The following ADK variants were observed in gnomAD, a reference collection of about 807,000 sequenced individuals.
The protein encoded by ADK is adenosine kinase.
ADK carries 24 observed loss-of-function variants against 44.7 expected under a neutral mutation model. That is an observed-to-expected ratio of 0.54 (90% CI 0.39 to 0.76). The LOEUF is 0.76. ADK is among the 30% of genes least tolerant of loss of function. ADK has a pLI of 0.00. For synonymous variants in ADK, 128 were observed against 142.6 expected, an observed-to-expected ratio of 0.90 and a Z score of 0.73; for missense variants, 321 against 425.1, an observed-to-expected ratio of 0.76 and a Z score of 2.15.
At position 74,432,087 on chromosome 10, in the gene ADK, G is replaced by A. The variant is rs1004227938; in HGVS notation, c.555+33508G>A. The stretch of plus-strand genomic sequence containing the variant: ...CTTGTGCCTGAGGTCCCAGCTACTC[G>A]AGACGCTGAGGTGGGAGGATCCCTT... On this transcript the variant is annotated intron_variant, in intron 6 of 10. Transcript: ENST00000539909. 3.8e-4 allele frequency among the ~76,000 whole-genome samples: 57 copies of A among 151,806 alleles called. 1 individual carries two copies. Among genetic ancestry groups the A allele is most frequent in the Admixed American group, 1.3e-4 (2 of 15,252 alleles).
intron 3 of ADK, among the ~76,000 whole-genome samples, chr10:74,254,737 T>A (rs1845763770): frequency 1.3e-5 from 2 of 152,196 alleles, no homozygotes; most frequent in African/African-American, 4.8e-5. Flanking sequence ...AATCTCCTTC[T>A]TTTTTTGTGT....
chr10:74,484,303 A>T (rs1847190095), intron 6 of ADK, among the ~76,000 whole-genome samples: 1 of 152,148 alleles, frequency 6.6e-6, no homozygotes, highest in African/African-American at 2.4e-5. Flanking sequence ...TCCAGATCTC[A>T]TTGAGAACTC....
chr10:74,297,620 T>G (rs1414913571), intron 3 of ADK, among the ~76,000 whole-genome samples: 4 of 152,232 alleles, frequency 2.6e-5, no homozygotes, highest in Non-Finnish European at 4.4e-5. Flanking sequence ...TGGCAAACTA[T>G]GAGCTGTGGG....
intron 10 of ADK, among the ~76,000 whole-genome samples, chr10:74,680,188 G>A (rs561000520): frequency 1.3e-5 from 2 of 151,768 alleles, no homozygotes; most frequent in Non-Finnish European, 2.9e-5. Context: ...GGTGGCAGAC[G>A]CCTGTAGTCC....
intron 4 of ADK, among the ~76,000 whole-genome samples, chr10:74,375,583 ATAGGCAGGCTCAAAGCTG>A (rs1316485235): frequency 1.3e-5 from 2 of 152,148 alleles, no homozygotes; most frequent in African/African-American, 2.4e-5. Context: ...CACTTGGCTG[ATAGGCAGGCTCAAAGCTG>A]TAGCCTCTTA....
At chr10:74,218,025 T>C (rs1028727639) in intron 2 of ADK, among the ~76,000 whole-genome samples, 39 of 152,312 alleles carry the variant, frequency 2.6e-4, no homozygotes, top group African/African-American at 9.1e-4. Context: ...GGACGGAGAA[T>C]GACTTTGACG....
chr10:74,548,355 TA>T (rs1237090198), intron 7 of ADK, among the ~76,000 whole-genome samples: 1 of 152,236 alleles, frequency 6.6e-6, no homozygotes, highest in Non-Finnish European at 1.5e-5. Flanking sequence ...AATTAAATGT[TA>T]ATCTTTTTGA....
intron 7 of ADK, among the ~76,000 whole-genome samples, chr10:74,551,767 A>G (rs1236343479): frequency 6.6e-6 from 1 of 152,212 alleles, no homozygotes; most frequent in Non-Finnish European, 1.5e-5. Flanking sequence ...TAGTAAATGT[A>G]CATACCTTAT....
intron 9 of ADK, among the ~76,000 whole-genome samples, chr10:74,661,852 A>G (rs1220176282): frequency 1.3e-5 from 2 of 152,228 alleles, no homozygotes; most frequent in African/African-American, 2.4e-5. Flanking sequence ...TCTTTGATAT[A>G]TGCTAGGTTT....
intron 9 of ADK, among the ~76,000 whole-genome samples, chr10:74,648,025 G>C (rs1589330902): frequency 6.6e-6 from 1 of 152,142 alleles, no homozygotes; most frequent in East Asian, 1.9e-4. Flanking sequence ...AGATTAAAAT[G>C]CATTGTGAAT....
intron 9 of ADK, among the ~76,000 whole-genome samples, chr10:74,638,749 G>A (rs1564831161): frequency 6.6e-6 from 1 of 152,138 alleles, no homozygotes; most frequent in Non-Finnish European, 1.5e-5. Flanking sequence ...TTCTGGCAGT[G>A]TCATCCTGGT....
At chr10:74,258,107 C>T (rs1166631694) in intron 3 of ADK, among the ~76,000 whole-genome samples, 1 of 152,090 alleles carries the variant, frequency 6.6e-6, no homozygotes, top group Non-Finnish European at 1.5e-5. Flanking sequence ...AGCTTTTCCT[C>T]TTGCTTGAAT....
At chr10:74,350,962 G>A (rs191608492) in intron 4 of ADK, among the ~76,000 whole-genome samples, 1 of 152,232 alleles carries the variant, frequency 6.6e-6, no homozygotes, top group Admixed American at 6.5e-5. Context: ...AAAAAGCCCA[G>A]GACCATACAG....
At chr10:74,372,204 G>A in intron 4 of ADK, 1 of 759,496 alleles carries the variant, frequency 1.3e-6, no homozygotes, top group East Asian at 2.4e-5. Context: ...GACCAAGGAG[G>A]AATTTCAGGG....
chr10:74,507,241 T>C (rs559520094), intron 6 of ADK, among the ~76,000 whole-genome samples: 2 of 152,298 alleles, frequency 1.3e-5, no homozygotes, highest in South Asian at 4.2e-4. Flanking sequence ...TTGAGAGAGT[T>C]GTTCAACTCT....
chr10:74,160,902 A>C (rs1324455638), intron 1 of ADK, among the ~76,000 whole-genome samples: 3 of 152,116 alleles, frequency 2.0e-5, no homozygotes, highest in Non-Finnish European at 4.4e-5. Context: ...TAGCATGTAC[A>C]ATATTTATTA....
chr10:74,385,896 A>G (rs1197291688), intron 4 of ADK, among the ~76,000 whole-genome samples: 3 of 152,222 alleles, frequency 2.0e-5, no homozygotes, highest in Non-Finnish European at 4.4e-5. Context: ...AAATAACAAT[A>G]GAACTATTTC....
At chr10:74,345,013 G>A (rs1252867875) in intron 4 of ADK, among the ~76,000 whole-genome samples, 1 of 152,240 alleles carries the variant, frequency 6.6e-6, no homozygotes. Context: ...ATCAGGGCAA[G>A]CATTGCAGCC....
chr10:74,396,646 G>A (rs1464288763), intron 5 of ADK, among the ~76,000 whole-genome samples: 1 of 152,040 alleles, frequency 6.6e-6, no homozygotes, highest in Non-Finnish European at 1.5e-5. Context: ...AATACGTTGG[G>A]ATAATAAGAA....
Sources: gnomAD v4.1 joint callset for allele counts (sites outside exome capture counted in the v4.1 genomes callset) on GRCh38, gnomAD v4.1.1 for gene constraint, MANE v1.5 for transcripts, NCBI Gene and HGNC (gene_info 2026-07-23, HGNC 2026-07-21) for gene names.